The following HIBCH variants were observed in gnomAD, a reference collection of about 807,000 sequenced individuals.
HIBCH encodes the protein 3-hydroxyisobutyryl-CoA hydrolase, also known as 3-hydroxyisobutyryl-CoA hydrolase, mitochondrial.
In HIBCH, 50 loss-of-function variants were observed where a neutral mutation model predicts 58.2. The ratio of observed to expected loss-of-function variants is 0.86; its 90% CI spans 0.68 to 1.09. The LOEUF is 1.09. HIBCH is among the 50% of genes least tolerant of loss of function. HIBCH has a pLI of 0.00. For missense variants in HIBCH, 450 were observed against 449.7 expected, an observed-to-expected ratio of 1.00 and a Z score of -0.01; for synonymous variants, 151 against 146.9, an observed-to-expected ratio of 1.03 and a Z score of -0.20.
At position 190,210,747 on chromosome 2, in the gene HIBCH, C is replaced by T. The variant is rs537628340; in HGVS notation, c.1012-1834G>A. Among the ~76,000 whole-genome samples the T allele has an allele frequency of 6.6e-6, 1 of 152,272 alleles. No homozygotes were observed. The highest frequency in any genetic ancestry group is 2.4e-5 in the African/African-American group (1 of 41,554). ...GCCTCTTTGTGGTCCCTAGCACAGG[C>T]AGTCATGCTCCAGCCTCACAGCTTT... On this transcript the variant is annotated intron_variant, in intron 12 of 13. Transcript: ENST00000359678. This position sits in a 1 kb window ranked among gnomAD's most constrained non-coding sequence, Gnocchi z 5.5.
intron 11 of HIBCH, among the ~76,000 whole-genome samples, chr2:190,237,011 A>G (rs1686293042): frequency 1.3e-5 from 2 of 152,212 alleles, no homozygotes; most frequent in African/African-American, 4.8e-5. Context: ...ATAGCAATAA[A>G]TGGTATACTA....
rs1032139891 is a variant in HIBCH at position 190,262,834 on chromosome 2, T to A, written c.439-1600A>T. Among the ~76,000 whole-genome samples, 3 of 152,282 alleles carry A rather than the reference T, an allele frequency of 2.0e-5. No individual in the cohort carries two copies. In the South Asian group the frequency reaches 6.2e-4, roughly 32 times the overall value. ...ATAATAGTGAATTAAAGAAAAGACA[T>A]CAAGATTTGAGCAAAAAGTTATTAA... On this transcript the variant is annotated intron_variant, in intron 6 of 13. Transcript: ENST00000359678.
intron 6 of HIBCH, among the ~76,000 whole-genome samples, chr2:190,284,332 G>A (rs1321710952): frequency 6.6e-6 from 1 of 152,064 alleles, no homozygotes; most frequent in Non-Finnish European, 1.5e-5. Flanking sequence ...AACATGGCCA[G>A]TGCCTTCAGA....
intron 7 of HIBCH, among the ~76,000 whole-genome samples, chr2:190,255,374 T>C (rs561331656): frequency 1.3e-5 from 2 of 152,314 alleles, no homozygotes; most frequent in African/African-American, 4.8e-5. Context: ...CAGTTCTTCA[T>C]GTAGCTGACT....
chr2:190,298,201 T>C (rs1688158934), intron 2 of HIBCH, among the ~76,000 whole-genome samples: 1 of 152,206 alleles, frequency 6.6e-6, no homozygotes, highest in Non-Finnish European at 1.5e-5. Context: ...TTGTAAATAG[T>C]GCTGCAATAA....
rs1559042131 is a variant in HIBCH at position 190,265,121 on chromosome 2, T to TGAAAAAAA, written c.439-3888_439-3887insTTTTTTTC. ...CTGGAGGACAGAGCAAGACTCCGTC[T>TGAAAAAAA]CAAAAAAAAAAAAAAAAAAAAAAAA... On this transcript the variant is annotated intron_variant, in intron 6 of 13. Transcript: ENST00000359678. Among the ~76,000 whole-genome samples, 60 of 43,710 alleles carry TGAAAAAAA rather than the reference T, an allele frequency of 1.4e-3. 1 individual carries two copies. The highest frequency in any genetic ancestry group is 8.8e-3 in the African/African-American group (58 of 6,580). The allele number at this position is 43,710 out of a possible 152,430, so 28.7% of individuals were successfully genotyped here. A position where few individuals can be genotyped will look rare whatever the true frequency, so the allele number is the denominator to read the frequency against.
Position 190,195,705 on chromosome 2 carries a change from G to C in HIBCH, c.*18-5708C>G, listed in dbSNP as rs931949276. Among the ~76,000 whole-genome samples, 4 of 151,866 alleles carry C rather than the reference G, an allele frequency of 2.6e-5. No individual in the cohort carries two copies. The East Asian group carries it at 7.7e-4, about 29-fold the overall frequency. The stretch of plus-strand genomic sequence containing the variant: ...TTTGCAATATTTTCTCCCAGTCTGT[G>C]GCTTGTCTTCTCATTTTCTTGACCA... On this transcript the variant is annotated intron_variant, in intron 1 of 1. Coordinates refer to the HIBCH transcript ENST00000399855.
At chr2:190,275,547 A>T (rs1178464523) in intron 6 of HIBCH, among the ~76,000 whole-genome samples, 1 of 152,212 alleles carries the variant, frequency 6.6e-6, no homozygotes, top group Non-Finnish European at 1.5e-5. Flanking sequence ...CCCCTATCAG[A>T]GCAATATGAA....
At position 190,213,035 on chromosome 2, in the gene HIBCH, A is replaced by C. The variant is rs776217847; in HGVS notation, c.932T>G (p.Leu311Arg). 8 of 1,609,754 alleles carry C rather than the reference A, an allele frequency of 5.0e-6. No homozygotes were observed. In the African/African-American group the frequency reaches 6.7e-5, roughly 13 times the overall value. Reference protein sequence around the residue: ...KMSPTSLKITLRQLMEGSSKT... With the variant: ...KMSPTSLKITRRQLMEGSSKT... ...TGAAGACCCCTCCATGAGTTGCCTT[A>C]GTGTGATCTTTAGAGATGTTGGAGA... The change falls in exon 12 of 14, where the codon CTA becomes CGA. Residue 311 changes from leucine (L) to arginine (R), a missense_variant. Physicochemically the swap from Leu to Arg is moderately radical, Grantham distance 102. Transcript: ENST00000359678.
At chr2:190,191,621 G>A (rs1689714683) in intron 1 of HIBCH, among the ~76,000 whole-genome samples, 1 of 152,160 alleles carries the variant, frequency 6.6e-6, no homozygotes, top group African/African-American at 2.4e-5. Context: ...CAGTTGCTCT[G>A]TATATGCACC....
intron 2 of HIBCH, among the ~76,000 whole-genome samples, chr2:190,307,573 G>C (rs1322382791): frequency 6.6e-6 from 1 of 152,088 alleles, no homozygotes; most frequent in East Asian, 1.9e-4. Flanking sequence ...GGAGGCTAAG[G>C]CAGGAGGATC....
Position 190,304,286 on chromosome 2 carries a change from C to CTTAGTTATG in HIBCH, c.78+6459_78+6467dup, listed in dbSNP as rs1175080498. ...AAAAAAAAAGGAATTTATTCTTTTCCTTAGTTATGGAGGCTGATGTCCAAA... is the reference window on the plus strand; with the variant it reads ...AAAAAAAAAGGAATTTATTCTTTTCCTTAGTTATGTTAGTTATGGAGGCTGATGTCCAAA... On this transcript the variant is annotated intron_variant, in intron 2 of 13. Coordinates refer to ENST00000359678, the MANE Select transcript of HIBCH (RefSeq NM_014362.4). The surrounding 1 kb of genome is among the most constrained non-coding windows in gnomAD (Gnocchi z 4.1). Among the ~76,000 whole-genome samples the CTTAGTTATG allele has an allele frequency of 1.3e-5, 2 of 150,896 alleles. No homozygotes were observed. The highest frequency in any genetic ancestry group is 1.3e-4 in the Admixed American group (2 of 15,126).
chr2:190,309,773 A>G (rs1277032195), intron 2 of HIBCH, among the ~76,000 whole-genome samples: 1 of 151,714 alleles, frequency 6.6e-6, no homozygotes, highest in East Asian at 1.9e-4. Flanking sequence ...CTTAGCCAGG[A>G]TGGTCTCGAT....
At chr2:190,314,329 GTATA>G (rs1255478510) in intron 1 of HIBCH, among the ~76,000 whole-genome samples, 1 of 3,446 alleles carries the variant, frequency 2.9e-4, no homozygotes, top group Admixed American at 3.8e-3. Context: ...ATGTATATAT[GTATA>G]TATACATATA....
intron 6 of HIBCH, among the ~76,000 whole-genome samples, chr2:190,284,450 G>A (rs1399453772): frequency 1.3e-5 from 2 of 152,142 alleles, no homozygotes; most frequent in African/African-American, 4.8e-5. Flanking sequence ...CATATCAGAA[G>A]GAGTCTTGAG....
chr2:190,303,991 T>C (rs1333821196), intron 2 of HIBCH, among the ~76,000 whole-genome samples: 2 of 152,234 alleles, frequency 1.3e-5, no homozygotes, highest in East Asian at 3.9e-4. Context: ...TGAGATGGTA[T>C]TCTACAGGCT....
At chr2:190,276,300 C>T (rs1325111699) in intron 6 of HIBCH, among the ~76,000 whole-genome samples, 2 of 152,200 alleles carry the variant, frequency 1.3e-5, no homozygotes, top group Admixed American at 1.3e-4. Context: ...ACTTACTCCG[C>T]TCATCAAACA....
At chr2:190,298,285 G>A (rs191847133) in intron 2 of HIBCH, among the ~76,000 whole-genome samples, 81 of 152,224 alleles carry the variant, frequency 5.3e-4, no homozygotes, top group Non-Finnish European at 1.0e-3. Flanking sequence ...ATGGGATTGT[G>A]GGGTCAAACA....
In HIBCH at chr2:190,252,415, T is replaced by C. The variant is rs774968704; in HGVS notation, c.518-108A>G. Reference sequence around the variant, plus strand: ...ACCATTTCTCTCTGGAGCTTGAATATACATTACAAACATTATTAAACTAAG... The same window carrying C: ...ACCATTTCTCTCTGGAGCTTGAATACACATTACAAACATTATTAAACTAAG... On this transcript the variant is annotated intron_variant, in intron 7 of 13. Coordinates refer to ENST00000359678, the MANE Select transcript of HIBCH (RefSeq NM_014362.4). The C allele has an allele frequency of 3.4e-5, 31 of 914,514 alleles. No individual in the cohort carries two copies. In the Middle Eastern group the frequency reaches 6.4e-4, roughly 19 times the overall value. 56.6% of individuals were successfully genotyped at this position (914,514 alleles called of 1,614,324 possible).
Sources: gnomAD v4.1 joint callset for allele counts (sites outside exome capture counted in the v4.1 genomes callset) on GRCh38, gnomAD v4.1.1 for gene constraint, Gnocchi (gnomAD v3.1) non-coding constraint, MANE v1.5 for transcripts, NCBI Gene and HGNC (gene_info 2026-07-23, HGNC 2026-07-21) for gene names.